Variants in GPHN observed in about 807,000 individuals in gnomAD.
GPHN encodes gephyrin.
Under a neutral mutation model 95.5 loss-of-function variants are expected in GPHN, and 17 were observed. The observed-to-expected ratio is 0.18, with a 90% CI of 0.12 to 0.27. GPHN has a LOEUF of 0.27. Among genes scored for constraint, GPHN ranks in the 10% least tolerant of loss-of-function variants. The pLI is 1.00. For synonymous variants in GPHN, 320 were observed against 322.5 expected (o/e 0.99, Z 0.08); for missense variants, 660 against 978.1 (o/e 0.67, Z 4.34).
intron 3 of GPHN, among the ~76,000 whole-genome samples, chr14:66,800,254 T>C (rs1749904900): frequency 6.6e-6 from 1 of 152,148 alleles, no homozygotes; most frequent in African/African-American, 2.4e-5. Context: ...CCAGTTACAG[T>C]GTTGTAATAT....
At chr14:67,500,956 T>C in the GPHN span, among the ~76,000 whole-genome samples, 1 of 151,646 alleles carries the variant, frequency 6.6e-6, no homozygotes, top group Non-Finnish European at 1.5e-5. Flanking sequence ...AGCTGCATCA[T>C]CTTCCAGATG....
chr14:67,357,919 C>T, the GPHN span, among the ~76,000 whole-genome samples: 8,138 of 152,254 alleles, frequency 0.053, 295 homozygotes, highest in Non-Finnish European at 0.084. Flanking sequence ...AGAAATGGCT[C>T]TCAAAGATAC....
At position 66,623,325 on chromosome 14, in the gene GPHN, G is replaced by A. The variant is rs150988889; in HGVS notation, c.65-57782G>A. ...GTTCCTCCCAAGACATGTGGGAATT[G>A]TAGGAGTTACAATTGAGGATGAGAT... On this transcript the variant is annotated intron_variant, in intron 1 of 22. Transcript: ENST00000478722. Among the ~76,000 whole-genome samples, 645 of 152,268 alleles carry A rather than the reference G, an allele frequency of 4.2e-3. 5 individuals are homozygous for A. Among genetic ancestry groups the A allele is most frequent in the Non-Finnish European group, 7.6e-3 (515 of 68,022 alleles).
the GPHN span, chr14:67,352,774 T>C: frequency 1.9e-5 from 11 of 591,588 alleles, no homozygotes; most frequent in Non-Finnish European, 3.2e-5. Context: ...AATGAACTAT[T>C]TGATATTTGA....
Position 66,863,358 on chromosome 14 carries a change from T to C in GPHN, c.295-16581T>C, listed in dbSNP as rs575264319. ...TGGAAAGTTATTCCATGTTCATGGG[T>C]TGGAAAAATTAATATTGTTAAAATG... On this transcript the variant is annotated intron_variant, in intron 4 of 22. Transcript: ENST00000478722. Among the ~76,000 whole-genome samples, 3 of 152,146 alleles carry C rather than the reference T, an allele frequency of 2.0e-5. No individual in the cohort carries two copies. In the South Asian group the frequency reaches 6.2e-4, roughly 32 times the overall value.
chr14:67,442,030 T>G, the GPHN span: 1 of 153,838 alleles, frequency 6.5e-6, no homozygotes, highest in Admixed American at 6.5e-5. Context: ...GTTTTAATTT[T>G]AATTTCTTTT....
chr14:67,393,023 T>C, the GPHN span: 3 of 901,852 alleles, frequency 3.3e-6, no homozygotes, highest in African/African-American at 1.6e-5. Flanking sequence ...CACATGGCCA[T>C]CTCAGGCTAG....
chr14:66,834,148 G>T (rs1022833602), intron 4 of GPHN, among the ~76,000 whole-genome samples: 7 of 152,110 alleles, frequency 4.6e-5, no homozygotes, highest in Non-Finnish European at 8.8e-5. Context: ...TCAAAAGAAG[G>T]TTAATTCCTC....
intron 2 of GPHN, among the ~76,000 whole-genome samples, chr14:66,716,357 C>T (rs1469196905): frequency 6.6e-6 from 1 of 152,054 alleles, no homozygotes; most frequent in Non-Finnish European, 1.5e-5. Flanking sequence ...GCATGAAATG[C>T]CCTTTTCCAA....
intron 4 of GPHN, among the ~76,000 whole-genome samples, chr14:66,836,881 A>G (rs55902177): frequency 0.018 from 2,738 of 151,784 alleles, 46 homozygotes; most frequent in Middle Eastern, 0.031. Flanking sequence ...ATGCAAATCA[A>G]AACCACAATG....
chr14:67,093,433 T>C (rs1009990698), intron 12 of GPHN, among the ~76,000 whole-genome samples: 1 of 152,082 alleles, frequency 6.6e-6, no homozygotes, highest in Non-Finnish European at 1.5e-5. Flanking sequence ...TTTTGTTGTA[T>C]CCATTTGAAT....
At chr14:66,665,722 C>T (rs1595463829) in intron 1 of GPHN, among the ~76,000 whole-genome samples, 2 of 152,280 alleles carry the variant, frequency 1.3e-5, no homozygotes, top group Non-Finnish European at 2.9e-5. Context: ...ACTAGAAATA[C>T]CATGTGACCC....
chr14:66,896,872 A>G (rs146230976), intron 5 of GPHN, among the ~76,000 whole-genome samples: 1 of 152,202 alleles, frequency 6.6e-6, no homozygotes, highest in East Asian at 1.9e-4. Context: ...AAGTTATAAT[A>G]CGAATTCCCA....
chr14:67,393,226 C>A, the GPHN span: 5 of 1,613,494 alleles, frequency 3.1e-6, no homozygotes, highest in Non-Finnish European at 4.2e-6. Flanking sequence ...TATCGTGCAT[C>A]TTGTCCACAA....
At chr14:66,606,731 G>A (rs8021202) in intron 1 of GPHN, among the ~76,000 whole-genome samples, 47,185 of 151,900 alleles carry the variant, frequency 0.31, 11,172 homozygotes, top group African/African-American at 0.64. Context: ...ATTGGAAATT[G>A]GTGTGTGTTC....
At chr14:67,144,259 A>ATATATG (rs2080734183) in intron 18 of GPHN, among the ~76,000 whole-genome samples, 2 of 92,996 alleles carry the variant, frequency 2.2e-5, no homozygotes, top group African/African-American at 1.1e-4. Context: ...AAATATATAT[A>ATATATG]TATATATATA....
At chr14:67,141,922 A>G (rs1305105190) in intron 17 of GPHN, among the ~76,000 whole-genome samples, 1 of 152,248 alleles carries the variant, frequency 6.6e-6, no homozygotes, top group Non-Finnish European at 1.5e-5. Flanking sequence ...GCCATGAGAT[A>G]TTTGTGAGAA....
the GPHN span, among the ~76,000 whole-genome samples, chr14:67,724,184 A>G: frequency 6.6e-6 from 1 of 152,242 alleles, no homozygotes; most frequent in Admixed American, 6.5e-5. Context: ...TTTATTATCT[A>G]ACAAGGAAAG....
chr14:67,656,581 T>C, the GPHN span: 3 of 1,600,572 alleles, frequency 1.9e-6, no homozygotes, highest in South Asian at 1.1e-5. Context: ...TTTGAGACTG[T>C]AGCCGATTCT....
Sources: allele counts gnomAD v4.1 joint callset (sites outside exome capture counted in the v4.1 genomes callset), GRCh38; gene constraint gnomAD v4.1.1; transcripts MANE v1.5; gene names NCBI Gene and HGNC (gene_info 2026-07-23, HGNC 2026-07-21).